MGA: variants seen among roughly 807,000 people sequenced by gnomAD.
MGA encodes MAX gene-associated protein.
In MGA, 40 loss-of-function variants were observed where a neutral mutation model predicts 261.1. The ratio of observed to expected loss-of-function variants is 0.15; its 90% confidence interval spans 0.12 to 0.20. The LOEUF is 0.20. MGA is among the 10% of genes least tolerant of loss of function. The pLI, the probability that MGA is intolerant of heterozygous loss-of-function variation, is 1.00. For missense variants in MGA, 3,397 were observed against 3,630.5 expected, an observed-to-expected ratio of 0.94 and a Z score of 1.65; for synonymous variants, 1,302 against 1,290.6, an observed-to-expected ratio of 1.01 and a Z score of -0.19.
chr15:41,697,150 G>A (rs2059585294), intron 3 of MGA, 127 bp downstream of exon 3: 5 of 757,802 alleles, frequency 6.6e-6, no homozygotes, highest in African/African-American at 3.5e-5. Context: ...ATGGGGGGTG[G>A]AGTTGGGAGG....
At chr15:41,729,059 A>T (rs1438994750) in intron 10 of MGA, 105 bp from the exon 11 acceptor site, 1 of 1,186,368 alleles carries the variant, frequency 8.4e-7, no homozygotes, top group Middle Eastern at 2.7e-4. Context: ...GCATTAAAAA[A>T]TTTCGACTGT....
chr15:41,635,097 G>C (rs2056672090), intron 1 of MGA, among the ~76,000 whole-genome samples: 1 of 152,114 alleles, frequency 6.6e-6, no homozygotes, highest in African/African-American at 2.4e-5. Context: ...ACCTAGGGAG[G>C]CTGAGGCAGT....
chr15:41,680,397 A>AC lies in MGA; in HGVS notation c.1064+10446dup, dbSNP rs532905503. On this transcript the variant is annotated intron_variant, in intron 2 of 23. Coordinates refer to ENST00000219905, the MANE Select transcript of MGA (RefSeq NM_001164273.2). Reference sequence around the variant, plus strand: ...GTAAAAATAGTACTATTCTGTTTTAACCCCCCCTGATGCATTGAATAAGAA... The same window carrying AC: ...GTAAAAATAGTACTATTCTGTTTTAACCCCCCCCTGATGCATTGAATAAGAA... 6.0e-5 allele frequency among the ~76,000 whole-genome samples: 9 copies of AC among 151,144 alleles called. No homozygotes were observed. In the South Asian group the frequency reaches 6.2e-4, roughly 10 times the overall value.
chr15:41,733,350 TAA>T (rs2061608628), intron 11 of MGA, among the ~76,000 whole-genome samples: 1 of 152,208 alleles, frequency 6.6e-6, no homozygotes, highest in Non-Finnish European at 1.5e-5. Flanking sequence ...AGTGGAATGA[TAA>T]AAGAGTCTAG....
At chr15:41,752,730 A>T (rs983809904) in intron 17 of MGA, among the ~76,000 whole-genome samples, 4 of 150,652 alleles carry the variant, frequency 2.7e-5, no homozygotes, top group African/African-American at 7.3e-5. Flanking sequence ...TAATTTTTGT[A>T]TTTTTTTAGT....
intron 1 of MGA, among the ~76,000 whole-genome samples, chr15:41,663,199 A>G (rs1362406004): frequency 6.6e-6 from 1 of 152,146 alleles, no homozygotes; most frequent in Non-Finnish European, 1.5e-5. Context: ...TTTCTATGAT[A>G]GCTTTTGTGT....
chr15:41,746,637 T>C (rs2151895151), intron 15 of MGA, among the ~76,000 whole-genome samples: 1 of 152,220 alleles, frequency 6.6e-6, no homozygotes, highest in East Asian at 1.9e-4. Context: ...TGTGTTTTAT[T>C]TAATTTTTAA....
At chr15:41,743,599 A>G (rs1035157770) in intron 15 of MGA, among the ~76,000 whole-genome samples, 2 of 152,186 alleles carry the variant, frequency 1.3e-5, no homozygotes, top group Non-Finnish European at 2.9e-5. Flanking sequence ...GGGAGGAAAC[A>G]TGACCTGTGT....
intron 11 of MGA, among the ~76,000 whole-genome samples, chr15:41,733,708 T>G (rs1341779416): frequency 6.6e-6 from 1 of 152,202 alleles, no homozygotes; most frequent in East Asian, 1.9e-4. Flanking sequence ...TGTATGTATG[T>G]TTACTCAAAC....
chr15:41,752,730 A>AT (rs987189959), intron 17 of MGA, among the ~76,000 whole-genome samples: 9 of 150,770 alleles, frequency 6.0e-5, no homozygotes, highest in East Asian at 4.0e-4. Context: ...TAATTTTTGT[A>AT]TTTTTTTAGT....
In MGA at chr15:41,652,126, C is replaced by T. The variant is rs190853827; in HGVS notation, c.-67-16702C>T. On this transcript the variant is annotated intron_variant, in intron 1 of 8. Transcript: ENST00000566718. ...GACTACAGGCGCCTGCCACCTCGCCCGGCTAATTTTTTTTTTTTATTGTAT... is the reference window on the plus strand; with the variant it reads ...GACTACAGGCGCCTGCCACCTCGCCTGGCTAATTTTTTTTTTTTATTGTAT... Among the ~76,000 whole-genome samples, 1,178 of 148,262 alleles carry T rather than the reference C, an allele frequency of 7.9e-3. 20 individuals carry two copies. The highest frequency in any genetic ancestry group is 0.027 in the African/African-American group (1,075 of 40,096).
chr15:41,660,975 C>G (rs1351367532), intron 1 of MGA, among the ~76,000 whole-genome samples: 1 of 152,244 alleles, frequency 6.6e-6, no homozygotes, highest in Non-Finnish European at 1.5e-5. Flanking sequence ...GGTTCTAGAA[C>G]TCCAAGGGAA....
chr15:41,707,603 C>T, intron 5 of MGA, 125 bp from the exon 6 acceptor site: 1 of 869,390 alleles, frequency 1.2e-6, no homozygotes, highest in East Asian at 2.8e-5. Flanking sequence ...TTTTGCTCTT[C>T]ACTATCTCCT....
intron 1 of MGA, among the ~76,000 whole-genome samples, chr15:41,653,606 G>T (rs891222131): frequency 6.6e-6 from 1 of 151,252 alleles, no homozygotes; most frequent in East Asian, 1.9e-4. Flanking sequence ...TACTCAGGAG[G>T]CTGAGGAAGG....
At chr15:41,739,911 T>A (rs758953466) in intron 13 of MGA, 1 of 1,611,484 alleles carries the variant, frequency 6.2e-7, no homozygotes, top group South Asian at 1.1e-5. Flanking sequence ...TTCAGGTTAA[T>A]GGTAAGAGTT....
intron 15 of MGA, among the ~76,000 whole-genome samples, chr15:41,745,282 A>T (rs2577948): frequency 0.28 from 7,050 of 25,020 alleles, 707 homozygotes; most frequent in East Asian, 0.36. Flanking sequence ...AATGATCAAT[A>T]AAAAAAAAAA....
At chr15:41,701,318 T>G (rs1209139922) in intron 5 of MGA, among the ~76,000 whole-genome samples, 1 of 152,184 alleles carries the variant, frequency 6.6e-6, no homozygotes, top group Non-Finnish European at 1.5e-5. Context: ...TAACTTAATC[T>G]CCCACATTTT....
At chr15:41,654,046 G>A (rs1018803902) in intron 1 of MGA, among the ~76,000 whole-genome samples, 2 of 149,480 alleles carry the variant, frequency 1.3e-5, no homozygotes, top group African/African-American at 2.5e-5. Context: ...GCTGTCCTTC[G>A]GTCTCAACTG....
intron 8 of MGA, among the ~76,000 whole-genome samples, chr15:41,712,794 C>T (rs977152049): frequency 6.6e-6 from 1 of 152,190 alleles, no homozygotes; most frequent in African/African-American, 2.4e-5. Flanking sequence ...TGTAGTTCTT[C>T]AGACGGTATG....
Sources: gnomAD v4.1 joint callset for allele counts (sites outside exome capture counted in the v4.1 genomes callset) on GRCh38, gnomAD v4.1.1 for gene constraint, MANE v1.5 for transcripts, NCBI Gene and HGNC (gene_info 2026-07-23, HGNC 2026-07-21) for gene names.